The following ISCA2 variants were observed in gnomAD, a reference collection of about 807,000 sequenced individuals.
ISCA2 encodes iron-sulfur cluster assembly 2 homolog, mitochondrial.
In ISCA2, 21 loss-of-function variants were observed where a neutral mutation model predicts 19.1. The ratio of observed to expected loss-of-function variants is 1.10; its 90% CI spans 0.78 to 1.59. The LOEUF (loss-of-function observed/expected upper bound fraction) is 1.59, where lower values mean the gene tolerates loss of function less well. ISCA2 is among the 40% of genes most tolerant of loss of function. The pLI is 0.00. For missense variants in ISCA2, 181 were observed against 191.7 expected (o/e 0.94, Z 0.33); for synonymous variants, 107 against 83.8 (o/e 1.28, Z -1.51).
intron 2 of ISCA2, 38 bp from the exon 3 acceptor site, chr14:74,494,226 CTTTAACTCCCG>C: frequency 6.3e-7 from 1 of 1,596,276 alleles, no homozygotes; most frequent in Non-Finnish European, 8.6e-7. Flanking sequence ...TCACTCAGCC[CTTTAACTCCCG>C]TTTCCCGCTA....
At position 74,494,838 on chromosome 14, in the gene ISCA2, G is replaced by A; in HGVS notation, c.303G>A (p.Gln101=). 2 of 1,614,152 alleles carry A rather than the reference G, an allele frequency of 1.2e-6. No individual in the cohort carries two copies. Among genetic ancestry groups the A allele is most frequent in the Non-Finnish European group, 1.7e-6 (2 of 1,180,000 alleles). ...VINPDDRVFE[Q]GGARVVVDSD... is the part of the protein sequence containing the mutation. ...CCTGTCTTTTCAGGGTATTTGAACA[G>A]GGTGGGGCAAGAGTGGTGGTTGACT... The change falls in exon 4 of 4, where the codon CAG becomes CAA. Residue 101 remains glutamine (Q), a synonymous_variant. Transcript: ENST00000556816.
Position 74,494,049 on chromosome 14 carries a change from G to T in ISCA2, c.72-1G>T. 6.5e-7 allele frequency: 1 copy of T among 1,537,264 alleles called. No homozygotes were observed. Among genetic ancestry groups the T allele is most frequent in the Non-Finnish European group, 8.7e-7 (1 of 1,143,658 alleles). Reference sequence around the variant, plus strand: ...GGCTCACCCTCCTCCCTTGCGCGCAGGCTCCTCACGGCCTCCCTGGGACCC... The same window carrying T: ...GGCTCACCCTCCTCCCTTGCGCGCATGCTCCTCACGGCCTCCCTGGGACCC... On this transcript the variant is annotated splice_acceptor_variant, in intron 1 of 3. Coordinates refer to ENST00000556816, the MANE Select transcript of ISCA2 (RefSeq NM_194279.4). LOFTEE classifies it high-confidence loss of function.
Position 74,494,869 on chromosome 14 carries a change from A to G in ISCA2, c.334A>G (p.Ser112Gly), listed in dbSNP as rs767352340. 1.9e-6 allele frequency: 3 copies of G among 1,614,172 alleles called. No individual in the cohort carries two copies. The highest frequency in any genetic ancestry group is 2.5e-6 in the Non-Finnish European group (3 of 1,180,020). ...GGARVVVDSD[S>G]LAFVKGAQVD... ...GGCAAGAGTGGTGGTTGACTCTGAT[A>G]GCTTGGCCTTCGTGAAAGGGGCCCA... The change falls in exon 4 of 4, where the codon AGC becomes GGC. Residue 112 changes from serine (S) to glycine (G), a missense_variant. Ser to Gly is a moderately conservative substitution (Grantham distance 56, BLOSUM62 0). Transcript: ENST00000556816.
rs2086853373 is a variant in ISCA2, at chr14:74,496,947, C to G, written c.*1947C>G. The G allele has an allele frequency of 6.6e-6, 1 of 151,992 alleles. No homozygotes were observed. Among genetic ancestry groups the G allele is most frequent in the South Asian group, 2.1e-4 (1 of 4,824 alleles). The allele number at this position is 151,992 out of a possible 1,614,324, so 9.4% of individuals were successfully genotyped here. A position where few individuals can be genotyped will look rare whatever the true frequency, so the allele number is the denominator to read the frequency against. On this transcript the variant is annotated 3_prime_UTR_variant, in exon 4 of 4. Coordinates refer to ENST00000556816, the MANE Select transcript of ISCA2 (RefSeq NM_194279.4). ...CCTGGGCAACATGGTGAAACCCCAT[C>G]TCTACTAAAAATACAAAAATTAACT...
Position 74,493,812 on chromosome 14 carries a change from C to G in ISCA2, c.38C>G (p.Thr13Arg). ...TGGGGGTCGTCCCTAACGGCCGCGA[C>G]GCAGAGAGCGGTCACTCCCTGGCCG... ...AAWGSSLTAA[T>R]QRAVTPWPRG... Residue 13 changes from threonine (T) to arginine (R), a missense_variant, in exon 1 of 4, where the codon ACG becomes AGG. Coordinates refer to ENST00000556816, the MANE Select transcript of ISCA2 (RefSeq NM_194279.4). The surrounding 1 kb of genome is among the most constrained non-coding windows in gnomAD (Gnocchi z 4.1). The G allele has an allele frequency of 6.5e-7, 1 of 1,542,960 alleles. No individual in the cohort carries two copies. The highest frequency in any genetic ancestry group is 8.7e-7 in the Non-Finnish European group (1 of 1,147,848).
At chr14:74,494,181 C>T (rs2086817404) in intron 2 of ISCA2, 29 bp downstream of exon 2, 21 of 1,586,616 alleles carry the variant, frequency 1.3e-5, no homozygotes, top group Non-Finnish European at 1.8e-5. Context: ...AGCGGCGGTA[C>T]CCAGGCGATT....
In ISCA2 at chr14:74,494,154, TAGG is replaced by T. The variant is rs1435089458; in HGVS notation, c.174+6_174+8del. On this transcript the variant is annotated splice_donor_5th_base_variant and intron_variant, in intron 2 of 3. Transcript: ENST00000556816. ...CGCCTCACAGACAGTTGCGTCCAGG[TAGG>T]AGGCCGGACGCGGAGCGGCGGTACC... The T allele has an allele frequency of 5.0e-6, 8 of 1,587,548 alleles. No individual in the cohort carries two copies. The highest frequency in any genetic ancestry group is 6.9e-6 in the Non-Finnish European group (8 of 1,166,804).
Position 74,493,787 on chromosome 14 carries a change from T to C in ISCA2, c.13T>C (p.Trp5Arg), listed in dbSNP as rs1215329371. 6.5e-7 allele frequency: 1 copy of C among 1,529,176 alleles called. No individual in the cohort carries two copies. Among genetic ancestry groups the C allele is most frequent in the South Asian group, 1.2e-5 (1 of 80,652 alleles). The allele number at this position is 1,529,176 out of a possible 1,614,324, so 94.7% of individuals were successfully genotyped here. Reference sequence around the variant, plus strand: ...CTTGTGGAGGAAGATGGCTGCCGCCTGGGGGTCGTCCCTAACGGCCGCGAC... The same window carrying C: ...CTTGTGGAGGAAGATGGCTGCCGCCCGGGGGTCGTCCCTAACGGCCGCGAC... MAAA[W>R]GSSLTAATQR... The change falls in exon 1 of 4, where the codon TGG (tryptophan) becomes CGG (arginine). Residue 5 changes from tryptophan (W) to arginine (R), a missense_variant. Physicochemically the swap from Trp to Arg is moderately radical, Grantham distance 101. Coordinates refer to ENST00000556816, the MANE Select transcript of ISCA2 (RefSeq NM_194279.4). The surrounding 1 kb of genome is among the most constrained non-coding windows in gnomAD (Gnocchi z 4.1).
Position 74,494,038 on chromosome 14 carries a change from C to T in ISCA2, c.72-12C>T, listed in dbSNP as rs577623184. The T allele has an allele frequency of 5.2e-6, 8 of 1,534,108 alleles. No homozygotes were observed. The highest frequency in any genetic ancestry group is 4.1e-5 in the African/African-American group (3 of 73,054). ...TTCTGCTCCCGGGCTCACCCTCCTC[C>T]CTTGCGCGCAGGCTCCTCACGGCCT... On this transcript the variant is annotated splice_polypyrimidine_tract_variant and intron_variant, in intron 1 of 3. Transcript: ENST00000556816.
In ISCA2 at chr14:74,495,754, C is replaced by G. The variant is rs2086840040; in HGVS notation, c.*754C>G. The stretch of plus-strand genomic sequence containing the variant: ...ACCTGCCTTCTGTTGTAAAATGGCT[C>G]TGGTCTCATGCACAGCAGGAAGTGA... On this transcript the variant is annotated 3_prime_UTR_variant, in exon 4 of 4. Coordinates refer to ENST00000556816, the MANE Select transcript of ISCA2 (RefSeq NM_194279.4). 6.6e-6 allele frequency: 1 copy of G among 152,174 alleles called. No individual in the cohort carries two copies. Among genetic ancestry groups the G allele is most frequent in the South Asian group, 2.1e-4 (1 of 4,828 alleles). 9.4% of individuals were successfully genotyped at this position (152,174 alleles called of 1,614,324 possible).
At chr14:74,494,780 T>C (rs780297508) in intron 3 of ISCA2, 46 bp from the exon 4 acceptor site, 29 of 1,570,892 alleles carry the variant, frequency 1.8e-5, no homozygotes, top group Non-Finnish European at 2.4e-5. Context: ...GGGGTGTCTT[T>C]TTTGTGTTTG....
At chr14:74,494,439 G>A (rs1211427788) in intron 3 of ISCA2, 49 bp downstream of exon 3, 1 of 1,342,574 alleles carries the variant, frequency 7.4e-7, no homozygotes, top group Admixed American at 1.7e-5. Flanking sequence ...AGGGACAAAA[G>A]TGTCTCCAGT....
intron 3 of ISCA2, 112 bp from the exon 4 acceptor site, chr14:74,494,714 A>G (rs1034091022): frequency 9.0e-6 from 8 of 885,350 alleles, no homozygotes; most frequent in African/African-American, 3.4e-5. Context: ...GTTAAAGGTA[A>G]TGGGGAAGCT....
In ISCA2 at chr14:74,494,403, G is replaced by A. The variant is rs1361428748; in HGVS notation, c.290+13G>A. ...ACCCCGACGACAGGCAAGGAGGAAGGGGTGGGCCCCCAAAGGAGGTACAGG... is the reference window on the plus strand; with the variant it reads ...ACCCCGACGACAGGCAAGGAGGAAGAGGTGGGCCCCCAAAGGAGGTACAGG... On this transcript the variant is annotated intron_variant, in intron 3 of 3. Transcript: ENST00000556816. The A allele has an allele frequency of 2.5e-6, 4 of 1,594,190 alleles. No homozygotes were observed. Among genetic ancestry groups the A allele is most frequent in the Admixed American group, 1.7e-5 (1 of 59,980 alleles).
In ISCA2 at chr14:74,494,473, T is replaced by C. The variant is rs974354112; in HGVS notation, c.290+83T>C. On this transcript the variant is annotated intron_variant, in intron 3 of 3. Coordinates refer to ENST00000556816, the MANE Select transcript of ISCA2 (RefSeq NM_194279.4). Reference sequence around the variant, plus strand: ...GTTTAAGGTGCACTTTTATTCCAAATTTAAAGGGTTTACCTGGGATGGTTA... The same window carrying C: ...GTTTAAGGTGCACTTTTATTCCAAACTTAAAGGGTTTACCTGGGATGGTTA... 4 of 986,832 alleles carry C rather than the reference T, an allele frequency of 4.1e-6. No homozygotes were observed. In the African/African-American group the frequency reaches 6.4e-5, roughly 16 times the overall value. 61.1% of individuals were successfully genotyped at this position (986,832 alleles called of 1,614,324 possible). A position where few individuals can be genotyped will look rare whatever the true frequency, so the allele number is the denominator to read the frequency against.
chr14:74,494,157 G>A lies in ISCA2; in HGVS notation c.174+5G>A, dbSNP rs1199687639. On this transcript the variant is annotated splice_donor_5th_base_variant and intron_variant, in intron 2 of 3. Coordinates refer to ENST00000556816, the MANE Select transcript of ISCA2 (RefSeq NM_194279.4). ...CTCACAGACAGTTGCGTCCAGGTAG[G>A]AGGCCGGACGCGGAGCGGCGGTACC... The A allele has an allele frequency of 4.4e-6, 7 of 1,587,108 alleles. No homozygotes were observed. The highest frequency in any genetic ancestry group is 6.0e-6 in the Non-Finnish European group (7 of 1,166,282).
chr14:74,494,433 A>G (rs1349981751), intron 3 of ISCA2, 43 bp downstream of exon 3: 2 of 1,399,026 alleles, frequency 1.4e-6, no homozygotes, highest in East Asian at 4.6e-5. Context: ...TACAGGAGGG[A>G]CAAAAGTGTC....
In ISCA2 at chr14:74,493,771, G is replaced by T; in HGVS notation, c.-4G>T. ...GACGCGAGGGGCGGAGCTTGTGGAG[G>T]AAGATGGCTGCCGCCTGGGGGTCGT... On this transcript the variant is annotated 5_prime_UTR_variant, in exon 1 of 4. Transcript: ENST00000556816. This position sits in a 1 kb window ranked among gnomAD's most constrained non-coding sequence, Gnocchi z 4.1. 1.3e-6 allele frequency: 2 copies of T among 1,518,632 alleles called. No homozygotes were observed. Among genetic ancestry groups the T allele is most frequent in the South Asian group, 2.5e-5 (2 of 79,852 alleles). The allele number at this position is 1,518,632 out of a possible 1,614,324, so 94.1% of individuals were successfully genotyped here. A position where few individuals can be genotyped will look rare whatever the true frequency, so the allele number is the denominator to read the frequency against.
Position 74,494,050 on chromosome 14 carries a change from G to C in ISCA2, c.72G>C (p.Arg24Ser). The C allele has an allele frequency of 6.5e-7, 1 of 1,537,790 alleles. No individual in the cohort carries two copies. Among genetic ancestry groups the C allele is most frequent in the Non-Finnish European group, 8.7e-7 (1 of 1,144,026 alleles). Reference protein sequence around the residue: ...QRAVTPWPRGRLLTASLGPQA... With the variant: ...QRAVTPWPRGSLLTASLGPQA... The stretch of plus-strand genomic sequence containing the variant: ...GCTCACCCTCCTCCCTTGCGCGCAG[G>C]CTCCTCACGGCCTCCCTGGGACCCC... The change falls in exon 2 of 4, where the codon AGG becomes AGC. Residue 24 changes from arginine (R) to serine (S), a missense_variant and splice_region_variant. Physicochemically the swap from Arg to Ser is moderately radical, Grantham distance 110. Transcript: ENST00000556816.
Sources: allele counts gnomAD v4.1 joint callset, GRCh38; gene constraint gnomAD v4.1.1; non-coding constraint Gnocchi (gnomAD v3.1); transcripts MANE v1.5; gene names NCBI Gene and HGNC (gene_info 2026-07-23, HGNC 2026-07-21).